Variants in TTC28 observed in about 807,000 individuals in gnomAD.
TTC28 encodes the protein tetratricopeptide repeat protein 28.
Under a neutral mutation model 198.0 loss-of-function variants are expected in TTC28, and 61 were observed. The ratio of observed to expected loss-of-function variants is 0.31; its 90% confidence interval spans 0.25 to 0.38. TTC28 has a LOEUF of 0.38. TTC28 is among the 10% of genes least tolerant of loss of function. The pLI, the probability that TTC28 is intolerant of heterozygous loss-of-function variation, is 1.00. For missense variants in TTC28, 2,678 were observed against 3,164.0 expected (o/e 0.85, Z 3.69); for synonymous variants, 1,171 against 1,297.8 (o/e 0.90, Z 2.10).
chr22:28,513,683 A>G (rs780696506), intron 2 of TTC28, among the ~76,000 whole-genome samples: 3 of 152,220 alleles, frequency 2.0e-5, no homozygotes, highest in Non-Finnish European at 2.9e-5. Context: ...CTGACAGGAA[A>G]ACATCAAGTT....
intron 2 of TTC28, among the ~76,000 whole-genome samples, chr22:28,339,867 G>C (rs1367998976): frequency 6.6e-6 from 1 of 152,038 alleles, no homozygotes; most frequent in Non-Finnish European, 1.5e-5. Flanking sequence ...ACCCTTCTTT[G>C]GCTCACACTC....
intron 5 of TTC28, among the ~76,000 whole-genome samples, chr22:28,199,751 A>G (rs113401173): frequency 0.031 from 4,724 of 151,740 alleles, 95 homozygotes; most frequent in African/African-American, 0.052. Context: ...AGCATCCCTG[A>G]CCTCTACCCA....
intron 2 of TTC28, among the ~76,000 whole-genome samples, chr22:28,554,343 C>G (rs905517007): frequency 6.7e-6 from 1 of 149,472 alleles, no homozygotes; most frequent in Non-Finnish European, 1.5e-5. Flanking sequence ...AAATCCCCCT[C>G]TGCAAGAAAC....
chr22:28,432,286 AAAATAAAT>A (rs548317275), intron 2 of TTC28, among the ~76,000 whole-genome samples: 1 of 151,654 alleles, frequency 6.6e-6, no homozygotes, highest in African/African-American at 2.4e-5. Context: ...ACTCTGTCTC[AAAATAAAT>A]AAATAAATAA....
chr22:28,063,875 C>A, intron 12 of TTC28, among the ~76,000 whole-genome samples: 1 of 152,090 alleles, frequency 6.6e-6, no homozygotes, highest in East Asian at 1.9e-4. Flanking sequence ...AGTAGCACAG[C>A]TGCAGGGCGG....
rs1250241614 is a variant in TTC28 at position 28,387,064 on chromosome 22, A to T, written c.382-80421T>A. On this transcript the variant is annotated intron_variant, in intron 2 of 22. Coordinates refer to ENST00000397906, the MANE Select transcript of TTC28 (RefSeq NM_001145418.2). ...TGTGTCCACGTGTTCTCATTGTTCA[A>T]TTCCCACCTATGAGTGAGAATATGC... Among the ~76,000 whole-genome samples, 3 of 151,896 alleles carry T rather than the reference A, an allele frequency of 2.0e-5. No homozygotes were observed. In the East Asian group the frequency reaches 5.8e-4, roughly 29 times the overall value.
chr22:27,995,233 A>G (rs1417709830), intron 17 of TTC28, among the ~76,000 whole-genome samples: 1 of 152,036 alleles, frequency 6.6e-6, no homozygotes, highest in Admixed American at 6.6e-5. Context: ...CATCTTAACC[A>G]TGGATGGAGC....
chr22:28,066,880 G>A (rs988930233), intron 12 of TTC28, among the ~76,000 whole-genome samples: 2 of 152,076 alleles, frequency 1.3e-5, no homozygotes, highest in African/African-American at 4.8e-5. Context: ...CTCCCTAAGT[G>A]TGGCACTGCA....
At chr22:28,586,461 T>C (rs989619072) in intron 2 of TTC28, among the ~76,000 whole-genome samples, 1 of 152,086 alleles carries the variant, frequency 6.6e-6, no homozygotes, top group Non-Finnish European at 1.5e-5. Context: ...CAAGACTCCA[T>C]AGATTTCTAT....
At chr22:28,335,875 G>A (rs577724452) in intron 2 of TTC28, among the ~76,000 whole-genome samples, 309 of 152,290 alleles carry the variant, frequency 2.0e-3, no homozygotes, top group Non-Finnish European at 2.5e-3. Flanking sequence ...CCAATACTAT[G>A]TTGAATAGGA....
chr22:27,992,616 A>G lies in TTC28; in HGVS notation c.5524T>C (p.Ser1842Pro). ...CTGATGAGCTGCTCGCCCGTCTCGG[A>G]GGCAGTGATGAGTTTGCAAAGGGCT... ...LQALCKLITA[S>P]ETGEQLISRA... Residue 1842 changes from serine (S) to proline (P), a missense_variant, in exon 19 of 23, where the codon TCC becomes CCC. Transcript: ENST00000397906. The G allele has an allele frequency of 6.4e-7, 1 of 1,551,534 alleles. No individual in the cohort carries two copies. The highest frequency in any genetic ancestry group is 8.7e-7 in the Non-Finnish European group (1 of 1,146,950).
At chr22:28,169,612 C>T (rs1261850764) in intron 5 of TTC28, among the ~76,000 whole-genome samples, 11 of 151,948 alleles carry the variant, frequency 7.2e-5, no homozygotes, top group Admixed American at 7.2e-4. Context: ...TAGGTGGGAA[C>T]TGAACAATCA....
intron 2 of TTC28, among the ~76,000 whole-genome samples, chr22:28,362,502 G>A (rs1350184397): frequency 6.6e-6 from 1 of 152,166 alleles, no homozygotes; most frequent in African/African-American, 2.4e-5. Flanking sequence ...AGAGAGGGGT[G>A]CTCCTGAAAA....
intron 2 of TTC28, among the ~76,000 whole-genome samples, chr22:28,322,130 A>G (rs904338461): frequency 2.1e-4 from 32 of 152,228 alleles, no homozygotes; most frequent in African/African-American, 7.2e-4. Flanking sequence ...GTGCCTGGCC[A>G]ATAATTCTAA....
intron 2 of TTC28, among the ~76,000 whole-genome samples, chr22:28,504,611 G>A (rs757977056): frequency 4.6e-5 from 7 of 152,118 alleles, no homozygotes; most frequent in Non-Finnish European, 7.3e-5. Context: ...GTATTTCAAC[G>A]TAATAGGCAT....
intron 6 of TTC28, among the ~76,000 whole-genome samples, chr22:28,139,270 A>G (rs376181730): frequency 2.6e-5 from 4 of 152,328 alleles, no homozygotes; most frequent in African/African-American, 7.2e-5. Flanking sequence ...ATAATGCATT[A>G]TAATACATGA....
intron 5 of TTC28, among the ~76,000 whole-genome samples, chr22:28,293,341 TATC>T (rs1569243389): frequency 6.6e-6 from 1 of 152,112 alleles, no homozygotes; most frequent in East Asian, 1.9e-4. Flanking sequence ...ACTTGGAGAA[TATC>T]ATGTTAAGTG....
At chr22:28,569,243 C>G (rs2050025595) in intron 2 of TTC28, among the ~76,000 whole-genome samples, 1 of 151,436 alleles carries the variant, frequency 6.6e-6, no homozygotes. Flanking sequence ...AAAACAATCC[C>G]AAGTAAAAAG....
rs533867580 is a variant in TTC28 at position 28,346,218 on chromosome 22, T to C, written c.382-39575A>G. On this transcript the variant is annotated intron_variant, in intron 2 of 22. Transcript: ENST00000397906. ...GGTAGTTAAGATTTGAGACATTAACTCAGGTCTGTCTAACTTCCTACATGT... is the reference window on the plus strand; with the variant it reads ...GGTAGTTAAGATTTGAGACATTAACCCAGGTCTGTCTAACTTCCTACATGT... 8.8e-4 allele frequency among the ~76,000 whole-genome samples: 134 copies of C among 152,216 alleles called. 2 individuals are homozygous for C. Among genetic ancestry groups the C allele is most frequent in the Non-Finnish European group, 2.6e-4 (18 of 68,044 alleles).
Sources: gnomAD v4.1 joint callset for allele counts (sites outside exome capture counted in the v4.1 genomes callset) on GRCh38, gnomAD v4.1.1 for gene constraint, MANE v1.5 for transcripts, NCBI Gene and HGNC (gene_info 2026-07-23, HGNC 2026-07-21) for gene names.